Variants in NANOS3 observed in about 807,000 individuals in gnomAD.
NANOS3 encodes nanos C2HC-type zinc finger 3.
NANOS3 carries 11 observed loss-of-function variants against 13.8 expected under a neutral mutation model. The ratio of observed to expected loss-of-function variants is 0.80; its 90% CI spans 0.50 to 1.32. The LOEUF (loss-of-function observed/expected upper bound fraction) is 1.32, where lower values mean the gene tolerates loss of function less well. Among genes scored for constraint, NANOS3 ranks in the 40% most tolerant of loss-of-function variants. The pLI, the probability that NANOS3 is intolerant of heterozygous loss-of-function variation, is 0.00. For synonymous variants in NANOS3, 119 were observed against 115.4 expected, an observed-to-expected ratio of 1.03 and a Z score of -0.20; for missense variants, 221 against 263.8, an observed-to-expected ratio of 0.84 and a Z score of 1.12.
intron 1 of NANOS3, among the ~76,000 whole-genome samples, chr19:13,870,512 C>T (rs1420381303): frequency 6.6e-6 from 1 of 150,874 alleles, no homozygotes; most frequent in African/African-American, 2.5e-5. Context: ...CTGCACCTTC[C>T]TGGTGCTATG....
intron 1 of NANOS3, among the ~76,000 whole-genome samples, chr19:13,871,191 C>G (rs139233945): frequency 1.3e-5 from 2 of 152,132 alleles, no homozygotes; most frequent in East Asian, 3.9e-4. Flanking sequence ...ACAGGTATCA[C>G]GGTCACCAGT....
chr19:13,876,013 C>T (rs547746791), upstream of NANOS3, among the ~76,000 whole-genome samples: 2 of 152,250 alleles, frequency 1.3e-5, no homozygotes, highest in East Asian at 1.9e-4. Context: ...ACTTGCTATC[C>T]CCCACCTCCC....
At chr19:13,876,113 TAGA>T (rs1158556202), upstream of NANOS3, among the ~76,000 whole-genome samples, 6 of 152,060 alleles carry the variant, frequency 3.9e-5, no homozygotes, top group Admixed American at 2.0e-4. Context: ...CCCCAGTAAC[TAGA>T]AGAAGGAGGC....
chr19:13,876,285 C>A (rs1968508056), upstream of NANOS3, among the ~76,000 whole-genome samples: 1 of 150,532 alleles, frequency 6.6e-6, no homozygotes, highest in Non-Finnish European at 1.5e-5. Flanking sequence ...ATCACAGGCA[C>A]CCGCCACCAT....
chr19:13,862,686 G>A (rs766074154), upstream of NANOS3, among the ~76,000 whole-genome samples: 27 of 152,150 alleles, frequency 1.8e-4, no homozygotes, highest in Non-Finnish European at 2.9e-4. Flanking sequence ...TTATAGGCGC[G>A]TGCCACCACG....
chr19:13,877,676 C>T lies in NANOS3; in HGVS notation c.428C>T (p.Thr143Ile), dbSNP rs769197132. 1.2e-6 allele frequency: 2 copies of T among 1,612,092 alleles called. No homozygotes were observed. Among genetic ancestry groups the T allele is most frequent in the South Asian group, 1.1e-5 (1 of 91,000 alleles). ...TACACCTCCGTCTACAGCCACACCA[C>T]CCGAAACTCGGCAGGCAAGAAGCTG... is the stretch of plus-strand genomic sequence containing the variant. Reference protein sequence around the residue: ...QGYTSVYSHTTRNSAGKKLVR... With the variant: ...QGYTSVYSHTIRNSAGKKLVR... Residue 143 changes from threonine to isoleucine, a missense_variant, in exon 1 of 2, where the codon ACC (threonine) becomes ATC (isoleucine). Physicochemically the swap from Thr to Ile is moderately conservative, Grantham distance 89. Around this residue, in one of 3 missense-constraint regions of NANOS3, gnomAD observed 49 missense variants for 91.0 expected, o/e 0.54. Coordinates refer to ENST00000339133, the MANE Select transcript of NANOS3 (RefSeq NM_001098622.3).
In NANOS3 at chr19:13,880,454, C is replaced by G. The variant is rs746931446; in HGVS notation, c.530C>G (p.Ala177Gly). ...GGGGGAGFRG[A>G]GKSEPSPSCS... ...CCCCCTCCACTAGGTTTCAGAGGTG[C>G]CGGGAAGTCTGAGCCTTCGCCCTCC... is the stretch of plus-strand genomic sequence containing the variant. The change falls in exon 2 of 2, where the codon GCC (alanine) becomes GGC (glycine). Residue 177 changes from alanine to glycine, a missense_variant. Physicochemically the swap from Ala to Gly is moderately conservative, Grantham distance 60. This residue lies in a region of NANOS3 where 60 missense variants were observed against 56.5 expected (regional missense o/e 1.06). Transcript: ENST00000339133. 2 of 1,614,040 alleles carry G rather than the reference C, an allele frequency of 1.2e-6. No individual in the cohort carries two copies. Among genetic ancestry groups the G allele is most frequent in the East Asian group, 2.2e-5 (1 of 44,880 alleles).
chr19:13,874,284 G>A (rs1038815026), upstream of NANOS3, among the ~76,000 whole-genome samples: 3 of 152,196 alleles, frequency 2.0e-5, no homozygotes, highest in Non-Finnish European at 4.4e-5. Context: ...AAAATGGCTT[G>A]TTTATCTCCA....
chr19:13,863,542 G>C (rs1396794476), upstream of NANOS3, among the ~76,000 whole-genome samples: 1 of 152,038 alleles, frequency 6.6e-6, no homozygotes, highest in African/African-American at 2.4e-5. Flanking sequence ...TCTGTAAGAA[G>C]GGCTGGCCGG....
At chr19:13,863,391 T>A (rs949608813), upstream of NANOS3, among the ~76,000 whole-genome samples, 2 of 152,034 alleles carry the variant, frequency 1.3e-5, no homozygotes, top group African/African-American at 4.8e-5. Context: ...TTTTTTAATT[T>A]TATTTTTGTA....
At chr19:13,870,730 G>C (rs1194417410) in intron 1 of NANOS3, among the ~76,000 whole-genome samples, 1 of 151,660 alleles carries the variant, frequency 6.6e-6, no homozygotes, top group East Asian at 1.9e-4. Flanking sequence ...ACCATGCCTG[G>C]CTACTTTTTT....
chr19:13,866,384 G>A (rs992336053), intron 1 of NANOS3, among the ~76,000 whole-genome samples: 1 of 150,936 alleles, frequency 6.6e-6, no homozygotes, highest in African/African-American at 2.4e-5. Flanking sequence ...CCACACCCCT[G>A]GACTGCTCAC....
At chr19:13,880,301 C>T (rs1429535650) in intron 1 of NANOS3, 141 bp from the exon 2 acceptor site, 18 of 706,026 alleles carry the variant, frequency 2.5e-5, no homozygotes, top group Middle Eastern at 2.4e-4. Flanking sequence ...GAGCCAGAGA[C>T]GTCACGGGGT....
intron 1 of NANOS3, among the ~76,000 whole-genome samples, chr19:13,868,436 A>G (rs1976274715): frequency 6.6e-6 from 1 of 152,082 alleles, no homozygotes; most frequent in Non-Finnish European, 1.5e-5. Flanking sequence ...AACAAGAGGG[A>G]AATCTGAACG....
chr19:13,869,266 G>A (rs987752778), intron 1 of NANOS3, among the ~76,000 whole-genome samples: 7 of 151,930 alleles, frequency 4.6e-5, no homozygotes, highest in African/African-American at 1.5e-4. Context: ...CTCCTGCCTC[G>A]GCCTCCCAAA....
At chr19:13,870,318 C>G (rs2145068726) in intron 1 of NANOS3, among the ~76,000 whole-genome samples, 1 of 152,064 alleles carries the variant, frequency 6.6e-6, no homozygotes, top group South Asian at 2.1e-4. Context: ...TGTGCTCAGT[C>G]AGTCTTCCTG....
upstream of NANOS3, chr19:13,874,807 C>A: frequency 1.9e-6 from 1 of 532,910 alleles, no homozygotes; most frequent in Middle Eastern, 3.2e-4. Context: ...AATTGCCATC[C>A]TCCTGCCGGT....
intron 1 of NANOS3, among the ~76,000 whole-genome samples, chr19:13,866,085 C>T (rs1599297105): frequency 6.6e-6 from 1 of 152,174 alleles, no homozygotes. Flanking sequence ...GCGGGCCGCC[C>T]CTCCGGCCTG....
chr19:13,870,544 C>T (rs1353866554), intron 1 of NANOS3, among the ~76,000 whole-genome samples: 1 of 149,914 alleles, frequency 6.7e-6, no homozygotes, highest in Non-Finnish European at 1.5e-5. Flanking sequence ...GGGGGCAAGG[C>T]CCTGGGATAG....
Sources: allele counts gnomAD v4.1 joint callset (sites outside exome capture counted in the v4.1 genomes callset), GRCh38; gene constraint gnomAD v4.1.1; regional missense constraint gnomAD v4.1.1; transcripts MANE v1.5; gene names NCBI Gene and HGNC (gene_info 2026-07-23, HGNC 2026-07-21).